The following PAX3 variants were observed in gnomAD, a reference collection of about 807,000 sequenced individuals.
PAX3 encodes the protein paired box 3.
A neutral mutation model predicts 51.6 loss-of-function variants in PAX3; 14 were observed. The observed-to-expected ratio is 0.27, with a 90% CI of 0.18 to 0.42. The LOEUF (loss-of-function observed/expected upper bound fraction) is 0.42. Ranked by LOEUF, PAX3 falls within the 10% of genes least tolerant of loss-of-function variation. The probability of loss-of-function intolerance (pLI) is 1.00; values close to 1 mark genes in which losing one functional copy is unlikely to be tolerated. For missense variants in PAX3, 540 were observed against 642.8 expected, an observed-to-expected ratio of 0.84 and a Z score of 1.73; for synonymous variants, 280 against 253.4, an observed-to-expected ratio of 1.11 and a Z score of -1.00.
rs554664627 is a variant in PAX3, at chr2:222,282,705, C to T, written c.586+11462G>A. Among the ~76,000 whole-genome samples, 289 of 152,206 alleles carry T rather than the reference C, an allele frequency of 1.9e-3. 3 individuals are homozygous for T. The highest frequency in any genetic ancestry group is 3.6e-3 in the Non-Finnish European group (248 of 67,996). ...AATAAAAATGCTTAACATAAAGAGA[C>T]TACTTTTGATCGTGCCAAACTTAAA... On this transcript the variant is annotated intron_variant, in intron 4 of 8. Coordinates refer to ENST00000392070, the MANE Select transcript of PAX3 (RefSeq NM_181458.4).
intron 5 of PAX3, among the ~76,000 whole-genome samples, chr2:222,230,270 G>T (rs1337606048): frequency 2.0e-5 from 3 of 152,036 alleles, no homozygotes; most frequent in African/African-American, 7.3e-5. Context: ...CAGGGACATG[G>T]ATGAACCTGG....
Position 222,249,499 on chromosome 2 carries a change from A to G in PAX3, c.587-17216T>C, listed in dbSNP as rs1442631325. Among the ~76,000 whole-genome samples, 4 of 152,128 alleles carry G rather than the reference A, an allele frequency of 2.6e-5. No homozygotes were observed. In the East Asian group the frequency reaches 7.7e-4, roughly 29 times the overall value. The stretch of plus-strand genomic sequence containing the variant: ...AGAGGTTTTTTTCTTCTCCCGTTTC[A>G]AAAAAGGTTTGAGTAAATCCTAGCC... On this transcript the variant is annotated intron_variant, in intron 4 of 8. Transcript: ENST00000392070.
intron 4 of PAX3, among the ~76,000 whole-genome samples, chr2:222,277,848 C>T (rs1178473851): frequency 1.3e-5 from 2 of 150,572 alleles, no homozygotes; most frequent in East Asian, 2.0e-4. Context: ...GCAGGAGAAT[C>T]GCTTGAACCC....
intron 7 of PAX3, among the ~76,000 whole-genome samples, chr2:222,216,698 A>G (rs1691971474): frequency 6.7e-6 from 1 of 149,842 alleles, no homozygotes; most frequent in African/African-American, 2.5e-5. Flanking sequence ...TATTGTACAC[A>G]TACACAAACA....
chr2:222,228,041 A>G (rs1692450062), intron 5 of PAX3, among the ~76,000 whole-genome samples: 1 of 152,206 alleles, frequency 6.6e-6, no homozygotes, highest in Non-Finnish European at 1.5e-5. Flanking sequence ...CTTTCTGGCT[A>G]TCACTCAAAC....
At chr2:222,293,581 A>G in intron 4 of PAX3, 2 of 1,578,736 alleles carry the variant, frequency 1.3e-6, no homozygotes, top group Admixed American at 1.7e-5. Flanking sequence ...TCCCAGGCAC[A>G]CACAGGTTAA....
chr2:222,201,299 C>T lies in PAX3; in HGVS notation c.*109G>A. ...GTCTCCTATTGGGACCACTGCCCCA[C>T]CCCCCCCAACAAAAGGGTAATTTTT... On this transcript the variant is annotated 3_prime_UTR_variant, in exon 9 of 9. Transcript: ENST00000392070. 1.3e-6 allele frequency: 2 copies of T among 1,548,454 alleles called. No individual in the cohort carries two copies. The highest frequency in any genetic ancestry group is 1.7e-6 in the Non-Finnish European group (2 of 1,155,688).
chr2:222,251,178 T>A (rs893775563), intron 4 of PAX3, among the ~76,000 whole-genome samples: 1 of 152,222 alleles, frequency 6.6e-6, no homozygotes, highest in African/African-American at 2.4e-5. Flanking sequence ...TATGTATACA[T>A]GTGCCATGTT....
At chr2:222,204,214 AG>A (rs1366013246) in intron 7 of PAX3, among the ~76,000 whole-genome samples, 3 of 152,232 alleles carry the variant, frequency 2.0e-5, no homozygotes, top group Non-Finnish European at 4.4e-5. Flanking sequence ...TGACAATTCC[AG>A]GAAGATGGAA....
intron 7 of PAX3, among the ~76,000 whole-genome samples, chr2:222,202,814 A>G (rs1691352611): frequency 6.7e-6 from 1 of 150,270 alleles, no homozygotes; most frequent in Non-Finnish European, 1.5e-5. Context: ...TACCCCTCCC[A>G]CTGTATATTC....
At chr2:222,236,220 G>A (rs1355514501) in intron 4 of PAX3, among the ~76,000 whole-genome samples, 1 of 152,104 alleles carries the variant, frequency 6.6e-6, no homozygotes, top group Non-Finnish European at 1.5e-5. Flanking sequence ...TACAGCACTT[G>A]ATTCACAATG....
intron 5 of PAX3, among the ~76,000 whole-genome samples, chr2:222,227,372 G>C (rs1245597200): frequency 6.6e-6 from 1 of 152,124 alleles, no homozygotes; most frequent in Non-Finnish European, 1.5e-5. Flanking sequence ...AAAATAGGAG[G>C]ATTACTTGAT....
chr2:222,288,171 G>A (rs548329440), intron 4 of PAX3, among the ~76,000 whole-genome samples: 7 of 152,198 alleles, frequency 4.6e-5, no homozygotes, highest in Non-Finnish European at 8.8e-5. Flanking sequence ...AAAATCAACA[G>A]TTTAAAAGAG....
rs45477501 is a variant in PAX3 at position 222,295,686 on chromosome 2, G to A, written c.322-29C>T. The A allele has an allele frequency of 3.0e-3, 4,867 of 1,613,502 alleles. 108 individuals carry two copies. The South Asian group carries it at 0.037, about 12-fold the overall frequency. On this transcript the variant is annotated intron_variant, in intron 2 of 8. Transcript: ENST00000392070. Reference sequence around the variant, plus strand: ...TAAGAGAACAGGCGGGCAGGCGTTGGTACCCGGTACCCTGGGCCAGGTGGC... The same window carrying A: ...TAAGAGAACAGGCGGGCAGGCGTTGATACCCGGTACCCTGGGCCAGGTGGC...
chr2:222,231,101 C>A (rs910845867), intron 5 of PAX3, among the ~76,000 whole-genome samples: 1 of 152,154 alleles, frequency 6.6e-6, no homozygotes, highest in Non-Finnish European at 1.5e-5. Context: ...AGCTCTGCAG[C>A]CTGGAAGAGG....
intron 4 of PAX3, among the ~76,000 whole-genome samples, chr2:222,259,224 C>T (rs772057981): frequency 6.6e-6 from 1 of 152,140 alleles, no homozygotes; most frequent in African/African-American, 2.4e-5. Flanking sequence ...AGCACACACA[C>T]GGAAGCAACT....
intron 4 of PAX3, among the ~76,000 whole-genome samples, chr2:222,260,890 A>G (rs1260408256): frequency 1.3e-5 from 2 of 152,068 alleles, no homozygotes; most frequent in African/African-American, 4.8e-5. Context: ...CCATGCCGCA[A>G]CACAAGATTT....
intron 4 of PAX3, among the ~76,000 whole-genome samples, chr2:222,277,570 G>A (rs749289174): frequency 1.6e-4 from 25 of 152,122 alleles, no homozygotes; most frequent in Non-Finnish European, 3.4e-4. Context: ...TGTTCAACCC[G>A]TGGCTCACGG....
intron 4 of PAX3, among the ~76,000 whole-genome samples, chr2:222,281,726 A>G (rs1694653780): frequency 6.6e-6 from 1 of 152,210 alleles, no homozygotes; most frequent in South Asian, 2.1e-4. Flanking sequence ...GATGCCACAA[A>G]CTATGAGCCT....
Sources: allele counts gnomAD v4.1 joint callset (sites outside exome capture counted in the v4.1 genomes callset), GRCh38; gene constraint gnomAD v4.1.1; transcripts MANE v1.5; gene names NCBI Gene and HGNC (gene_info 2026-07-23, HGNC 2026-07-21).